The following CDC40 variants were observed in gnomAD, a reference collection of about 807,000 sequenced individuals.
CDC40 encodes the protein pre-mRNA-processing factor 17.
A neutral mutation model predicts 80.6 loss-of-function variants in CDC40; 27 were observed. The ratio of observed to expected loss-of-function variants is 0.33; its 90% confidence interval spans 0.25 to 0.46. The LOEUF is 0.46. CDC40 is among the 20% of genes least tolerant of loss of function. The probability of loss-of-function intolerance (pLI) is 1.00; values close to 1 mark genes in which losing one functional copy is unlikely to be tolerated. For synonymous variants in CDC40, 221 were observed against 232.6 expected (o/e 0.95, Z 0.45); for missense variants, 486 against 694.1 (o/e 0.70, Z 3.37).
At chr6:110,220,540 G>A (rs944305789) in intron 12 of CDC40, among the ~76,000 whole-genome samples, 3 of 148,196 alleles carry the variant, frequency 2.0e-5, no homozygotes, top group Non-Finnish European at 4.4e-5. Flanking sequence ...CGCCTCCCGG[G>A]TTCACGCCAT....
intron 1 of CDC40, among the ~76,000 whole-genome samples, chr6:110,190,953 T>C (rs1369368087): frequency 1.3e-5 from 2 of 152,088 alleles, no homozygotes; most frequent in African/African-American, 4.8e-5. Flanking sequence ...CACATTGTCA[T>C]CGTTAGGTGT....
At chr6:110,207,407 C>A in intron 3 of CDC40, 99 bp from the exon 4 acceptor site, 5 of 592,492 alleles carry the variant, frequency 8.4e-6, no homozygotes, top group Non-Finnish European at 9.1e-6. Context: ...TTTTTGACAT[C>A]TGGGAAAGAA....
chr6:110,207,508 T>G lies in CDC40; in HGVS notation c.409T>G (p.Tyr137Asp). Residue 137 changes from tyrosine (Y) to aspartate (D), a missense_variant and splice_region_variant, in exon 4 of 15, where the codon TAT becomes GAT. This residue lies in a region of CDC40 where 381 missense variants were observed against 492.1 expected (regional missense o/e 0.77). Coordinates refer to ENST00000307731, the MANE Select transcript of CDC40 (RefSeq NM_015891.3). Reference sequence around the variant, plus strand: ...AATTTTCACTTTTTTGCTTTCAGGTTATGCATTAGACCCTTCATTAGATAA... The same window carrying G: ...AATTTTCACTTTTTTGCTTTCAGGTGATGCATTAGACCCTTCATTAGATAA... Reference protein sequence around the residue: ...QQRRTFATYGYALDPSLDNHQ... With the variant: ...QQRRTFATYGDALDPSLDNHQ... The G allele has an allele frequency of 6.4e-7, 1 of 1,563,276 alleles. No homozygotes were observed. The highest frequency in any genetic ancestry group is 8.8e-7 in the Non-Finnish European group (1 of 1,139,036).
At chr6:110,214,987 T>C (rs1187991039) in intron 8 of CDC40, among the ~76,000 whole-genome samples, 2 of 152,168 alleles carry the variant, frequency 1.3e-5, no homozygotes, top group East Asian at 3.8e-4. Context: ...AATATGAAAA[T>C]GAAAACTTAC....
chr6:110,205,209 AT>A (rs1294195717), intron 3 of CDC40, among the ~76,000 whole-genome samples: 10 of 152,324 alleles, frequency 6.6e-5, no homozygotes, highest in African/African-American at 2.4e-4. Context: ...TAAAATCAAT[AT>A]TATGGCCATT....
chr6:110,196,309 T>A (rs1029691280), intron 2 of CDC40, among the ~76,000 whole-genome samples: 1 of 152,182 alleles, frequency 6.6e-6, no homozygotes, highest in African/African-American at 2.4e-5. Context: ...AATTGCTTAT[T>A]TTATTTTATA....
chr6:110,202,950 A>G (rs1777512096), intron 3 of CDC40, among the ~76,000 whole-genome samples: 2 of 152,192 alleles, frequency 1.3e-5, no homozygotes, highest in African/African-American at 4.8e-5. Context: ...CAAAAAATGA[A>G]TTTGGGGCTA....
chr6:110,202,014 A>G (rs771912437), intron 3 of CDC40, among the ~76,000 whole-genome samples: 3 of 152,210 alleles, frequency 2.0e-5, no homozygotes, highest in Non-Finnish European at 4.4e-5. Context: ...TTGGCAAATG[A>G]AAAGATAGTG....
At chr6:110,194,962 C>A (rs1480960536) in intron 2 of CDC40, among the ~76,000 whole-genome samples, 1 of 152,038 alleles carries the variant, frequency 6.6e-6, no homozygotes, top group Non-Finnish European at 1.5e-5. Context: ...CTTTAATGTT[C>A]TTTTTCCTCG....
At chr6:110,222,102 A>G (rs1332384616) in intron 12 of CDC40, among the ~76,000 whole-genome samples, 1 of 152,086 alleles carries the variant, frequency 6.6e-6, no homozygotes. Flanking sequence ...CAAGAAATAC[A>G]AAAATTAGCT....
intron 13 of CDC40, among the ~76,000 whole-genome samples, chr6:110,226,638 C>G (rs1291679816): frequency 6.7e-6 from 1 of 149,196 alleles, no homozygotes; most frequent in African/African-American, 2.5e-5. Context: ...GTCTCAAACT[C>G]CTGGGCTCAA....
chr6:110,215,135 A>T, intron 8 of CDC40, 151 bp from the exon 9 acceptor site: 2 of 622,548 alleles, frequency 3.2e-6, no homozygotes, highest in South Asian at 4.3e-5. Context: ...AGCTATATTT[A>T]ATGATATTCA....
rs555846197 is a variant in CDC40 at position 110,190,656 on chromosome 6, G to A, written c.190-2526G>A. Among the ~76,000 whole-genome samples, 5 of 152,296 alleles carry A rather than the reference G, an allele frequency of 3.3e-5. No individual in the cohort carries two copies. The East Asian group carries it at 9.6e-4, about 29-fold the overall frequency. On this transcript the variant is annotated intron_variant, in intron 1 of 14. Transcript: ENST00000307731. ...CAACTGCCACGTTGGTGGTCACATAGTTGAGAACACCTGGGGTGGCCTGGT... is the reference window on the plus strand; with the variant it reads ...CAACTGCCACGTTGGTGGTCACATAATTGAGAACACCTGGGGTGGCCTGGT...
chr6:110,199,705 T>TC (rs1174761153), intron 2 of CDC40, among the ~76,000 whole-genome samples: 1 of 152,184 alleles, frequency 6.6e-6, no homozygotes, highest in African/African-American at 2.4e-5. Context: ...TGTAGTCTCC[T>TC]TTTTTTAAAT....
intron 12 of CDC40, among the ~76,000 whole-genome samples, chr6:110,221,373 T>C (rs1214717715): frequency 6.6e-6 from 1 of 152,184 alleles, no homozygotes; most frequent in East Asian, 1.9e-4. Context: ...CCCTAACCAT[T>C]GTCAGGACAA....
chr6:110,187,003 C>T (rs780500766), intron 1 of CDC40, among the ~76,000 whole-genome samples: 13 of 151,878 alleles, frequency 8.6e-5, no homozygotes, highest in African/African-American at 2.7e-4. Flanking sequence ...TTCTTTGAGA[C>T]GGAGTCTCGC....
In CDC40 at chr6:110,193,244, C is replaced by G; in HGVS notation, c.252C>G (p.Thr84=). 1 of 1,605,096 alleles carries G rather than the reference C, an allele frequency of 6.2e-7. No individual in the cohort carries two copies. ...TCAAAGAAGTTCAGTATAATCCTACCTATGAGACCATGTTTGCTCCTGAGG... is the reference window on the plus strand; with the variant it reads ...TCAAAGAAGTTCAGTATAATCCTACGTATGAGACCATGTTTGCTCCTGAGG... The part of the protein sequence containing the change: ...PAVKEVQYNP[T]YETMFAPEFG... Residue 84 remains threonine, a synonymous_variant, in exon 2 of 15, where the codon ACC becomes ACG. Transcript: ENST00000307731.
chr6:110,207,672 A>G lies in CDC40; in HGVS notation c.490+83A>G, dbSNP rs184904192. 4.7e-4 allele frequency: 362 copies of G among 765,436 alleles called. 1 individual carries two copies. Among genetic ancestry groups the G allele is most frequent in the Non-Finnish European group, 7.2e-4 (318 of 441,984 alleles). 47.4% of individuals were successfully genotyped at this position (765,436 alleles called of 1,614,324 possible). A position where few individuals can be genotyped will look rare whatever the true frequency, so the allele number is the denominator to read the frequency against. On this transcript the variant is annotated intron_variant, in intron 4 of 14. Coordinates refer to ENST00000307731, the MANE Select transcript of CDC40 (RefSeq NM_015891.3). ...TGCAGAGTGACTTTAATTAGACAGT[A>G]AAAAATAGTATTTAGCGCTTTTTTT...
Position 110,228,895 on chromosome 6 carries a change from T to G in CDC40, c.1481T>G (p.Phe494Cys). ...QILIFGAQNR[F>C]RLNKKKIFKG... ...TTAATTTTTGGAGCACAGAACAGAT[T>G]TAGATTAAATAAGAAAAAAATTTTT... Residue 494 changes from phenylalanine (F) to cysteine (C), a missense_variant, in exon 14 of 15, where the codon TTT becomes TGT. By Grantham distance (205) the Phe-to-Cys change is radical. Coordinates refer to ENST00000307731, the MANE Select transcript of CDC40 (RefSeq NM_015891.3). 1.2e-6 allele frequency: 2 copies of G among 1,606,674 alleles called. No homozygotes were observed. The highest frequency in any genetic ancestry group is 8.5e-7 in the Non-Finnish European group (1 of 1,177,516).
Sources: allele counts gnomAD v4.1 joint callset (sites outside exome capture counted in the v4.1 genomes callset), GRCh38; gene constraint gnomAD v4.1.1; regional missense constraint gnomAD v4.1.1; transcripts MANE v1.5; gene names NCBI Gene and HGNC (gene_info 2026-07-23, HGNC 2026-07-21).